MACROH2A2: variants seen among roughly 807,000 people sequenced by gnomAD.
MACROH2A2 encodes core histone macro-H2A.2.
Under a neutral mutation model 37.6 loss-of-function variants are expected in MACROH2A2, and 6 were observed. The observed-to-expected ratio is 0.16, with a 90% CI of 0.09 to 0.32. The LOEUF (loss-of-function observed/expected upper bound fraction) is 0.32. Ranked by LOEUF, MACROH2A2 falls within the 10% of genes least tolerant of loss-of-function variation. The pLI, the probability that MACROH2A2 is intolerant of heterozygous loss-of-function variation, is 1.00. For missense variants in MACROH2A2, 290 were observed against 485.9 expected, an observed-to-expected ratio of 0.60 and a Z score of 3.79; for synonymous variants, 192 against 202.7, an observed-to-expected ratio of 0.95 and a Z score of 0.45.
chr10:70,111,794 GCAGGTCCTGCCGGCGCAGGGAGC>G lies in MACROH2A2; in HGVS notation c.*113_*135del. ...TGGCAGGGGAGTGGAGGGTGGCCGG[GCAGGTCCTGCCGGCGCAGGGAGC>G]CCTCTGCCCTTCACACTCTCCTCCA... On this transcript the variant is annotated 3_prime_UTR_variant, in exon 9 of 9. Transcript: ENST00000373255. 1 of 918,286 alleles carries G rather than the reference GCAGGTCCTGCCGGCGCAGGGAGC, an allele frequency of 1.1e-6. No individual in the cohort carries two copies. Among genetic ancestry groups the G allele is most frequent in the Non-Finnish European group, 1.5e-6 (1 of 651,770 alleles). 56.9% of individuals were successfully genotyped at this position (918,286 alleles called of 1,614,324 possible).
rs554895084 is a variant in MACROH2A2, at chr10:70,111,942, G to A, written c.*259G>A. On this transcript the variant is annotated 3_prime_UTR_variant, in exon 9 of 9. Coordinates refer to ENST00000373255, the MANE Select transcript of MACROH2A2 (RefSeq NM_018649.3). ...GAACTTTTTTAAAAAAACAGACCTC[G>A]TTTTAGATTTATAGCATTGACTTTT... 111 of 302,568 alleles carry A rather than the reference G, an allele frequency of 3.7e-4. 1 individual carries two copies. Among genetic ancestry groups the A allele is most frequent in the Admixed American group, 9.6e-4 (19 of 19,796 alleles). 18.7% of individuals were successfully genotyped at this position (302,568 alleles called of 1,614,324 possible). A position where few individuals can be genotyped will look rare whatever the true frequency, so the allele number is the denominator to read the frequency against.
intron 1 of MACROH2A2, among the ~76,000 whole-genome samples, chr10:70,071,324 G>A (rs2072109127): frequency 6.6e-6 from 1 of 152,140 alleles, no homozygotes; most frequent in Non-Finnish European, 1.5e-5. Context: ...TGGCTTAGGA[G>A]AGTCACTAAT....
At chr10:70,076,874 C>G (rs1465214803) in intron 2 of MACROH2A2, among the ~76,000 whole-genome samples, 1 of 152,116 alleles carries the variant, frequency 6.6e-6, no homozygotes, top group African/African-American at 2.4e-5. Flanking sequence ...CTGCCCTGCC[C>G]TCTTAGTCCC....
chr10:70,089,466 C>G lies in MACROH2A2; in HGVS notation c.173-594C>G, dbSNP rs147113636. Among the ~76,000 whole-genome samples, 61 of 152,328 alleles carry G rather than the reference C, an allele frequency of 4.0e-4. 1 individual carries two copies. The East Asian group carries it at 0.01, about 26-fold the overall frequency. On this transcript the variant is annotated intron_variant, in intron 2 of 8. Coordinates refer to ENST00000373255, the MANE Select transcript of MACROH2A2 (RefSeq NM_018649.3). ...CACCATTAGAAAGGAAAGAAGGGCA[C>G]AGCCCCTTCATTGATGGACACTTCC...
chr10:70,082,439 AAAAG>A (rs561257617), intron 2 of MACROH2A2, among the ~76,000 whole-genome samples: 65 of 152,086 alleles, frequency 4.3e-4, no homozygotes, highest in African/African-American at 8.7e-4. Context: ...AAGAAAAAAG[AAAAG>A]AAAGAAAGAA....
At chr10:70,077,600 C>T (rs992674292) in intron 2 of MACROH2A2, among the ~76,000 whole-genome samples, 12 of 152,012 alleles carry the variant, frequency 7.9e-5, no homozygotes, top group Admixed American at 6.6e-5. Context: ...AGGCCGGGCA[C>T]AGTGGCTCAC....
At chr10:70,073,074 T>C (rs1371056487) in intron 1 of MACROH2A2, among the ~76,000 whole-genome samples, 1 of 152,206 alleles carries the variant, frequency 6.6e-6, no homozygotes, top group Non-Finnish European at 1.5e-5. Flanking sequence ...ACTGTAGTTA[T>C]GTAGAAGCGG....
At chr10:70,079,550 T>G (rs1229561777) in intron 2 of MACROH2A2, among the ~76,000 whole-genome samples, 3 of 108,828 alleles carry the variant, frequency 2.8e-5, no homozygotes, top group Non-Finnish European at 5.6e-5. Context: ...ACGTTGAGGG[T>G]TCGCGCGCGC....
At chr10:70,070,026 G>C (rs2072100151) in intron 1 of MACROH2A2, among the ~76,000 whole-genome samples, 1 of 152,136 alleles carries the variant, frequency 6.6e-6, no homozygotes, top group Non-Finnish European at 1.5e-5. Context: ...GGCTCTGGTA[G>C]ATGTAACATG....
intron 1 of MACROH2A2, among the ~76,000 whole-genome samples, chr10:70,062,694 T>G (rs1384477866): frequency 6.6e-6 from 1 of 152,218 alleles, no homozygotes; most frequent in Non-Finnish European, 1.5e-5. Flanking sequence ...CCTATAATTA[T>G]AGCTCCCAAT....
chr10:70,056,275 G>T (rs930748414), intron 1 of MACROH2A2, among the ~76,000 whole-genome samples: 1 of 152,016 alleles, frequency 6.6e-6, no homozygotes, highest in Non-Finnish European at 1.5e-5. Context: ...TTGTTGAGAT[G>T]GAGTATCTCT....
chr10:70,059,771 G>A (rs2072040465), intron 1 of MACROH2A2, among the ~76,000 whole-genome samples: 1 of 152,166 alleles, frequency 6.6e-6, no homozygotes, highest in Admixed American at 6.5e-5. Flanking sequence ...CTCCCTCCCC[G>A]TGGTCCACCG....
At chr10:70,062,687 A>G (rs537641912) in intron 1 of MACROH2A2, among the ~76,000 whole-genome samples, 9 of 152,320 alleles carry the variant, frequency 5.9e-5, no homozygotes, top group African/African-American at 1.9e-4. Context: ...ACCCTGGCCT[A>G]TAATTATAGC....
chr10:70,089,197 C>T (rs1025682835), intron 2 of MACROH2A2, among the ~76,000 whole-genome samples: 1 of 152,210 alleles, frequency 6.6e-6, no homozygotes, highest in Non-Finnish European at 1.5e-5. Flanking sequence ...AGAGATGGCC[C>T]TGTGCCCCAC....
chr10:70,105,039 A>T (rs912849895), intron 7 of MACROH2A2, among the ~76,000 whole-genome samples: 2 of 152,230 alleles, frequency 1.3e-5, no homozygotes, highest in East Asian at 3.8e-4. Context: ...GCGATGCTGC[A>T]TGTTCAGGGA....
rs1486315757 is a variant in MACROH2A2, at chr10:70,107,485, G to A, written c.779-1548G>A. The stretch of plus-strand genomic sequence containing the variant: ...TCCTGGAGGGGCACAGGGCGCAGAC[G>A]GGCAGCGTGGGGGCAAGCATGGCTC... On this transcript the variant is annotated intron_variant, in intron 7 of 8. Transcript: ENST00000373255. The surrounding 1 kb of genome is among the most constrained non-coding windows in gnomAD (Gnocchi z 4.4). Among the ~76,000 whole-genome samples the A allele has an allele frequency of 1.3e-5, 2 of 152,150 alleles. No individual in the cohort carries two copies. Among genetic ancestry groups the A allele is most frequent in the Non-Finnish European group, 2.9e-5 (2 of 68,028 alleles).
intron 1 of MACROH2A2, among the ~76,000 whole-genome samples, chr10:70,066,626 G>A (rs2072080398): frequency 6.6e-6 from 1 of 152,138 alleles, no homozygotes; most frequent in Non-Finnish European, 1.5e-5. Flanking sequence ...TGATTTTGAG[G>A]ACATGGTAAA....
At position 70,111,688 on chromosome 10, in the gene MACROH2A2, C is replaced by A; in HGVS notation, c.*5C>A. 1 of 1,601,666 alleles carries A rather than the reference C, an allele frequency of 6.2e-7. No homozygotes were observed. Among genetic ancestry groups the A allele is most frequent in the Non-Finnish European group, 8.5e-7 (1 of 1,172,836 alleles). ...GCCAAGCTCGACGCCAAGTAGCCGC[C>A]GCACTTTCCAGCAGGGATCGGAGGA... On this transcript the variant is annotated 3_prime_UTR_variant, in exon 9 of 9. Transcript: ENST00000373255.
intron 2 of MACROH2A2, among the ~76,000 whole-genome samples, chr10:70,078,687 A>G (rs547994900): frequency 1.1e-4 from 17 of 152,338 alleles, no homozygotes; most frequent in African/African-American, 3.8e-4. Flanking sequence ...AGAGCTGACA[A>G]AATCATTCAG....
Sources: allele counts gnomAD v4.1 joint callset (sites outside exome capture counted in the v4.1 genomes callset), GRCh38; gene constraint gnomAD v4.1.1; non-coding constraint Gnocchi (gnomAD v3.1); transcripts MANE v1.5; gene names NCBI Gene and HGNC (gene_info 2026-07-23, HGNC 2026-07-21).